Variants in ZNF280D observed in about 807,000 individuals in gnomAD.
ZNF280D encodes zinc finger protein 280D.
In ZNF280D, 39 loss-of-function variants were observed where a neutral mutation model predicts 94.7. The observed-to-expected ratio is 0.41, with a 90% CI of 0.32 to 0.54. The LOEUF is 0.54. ZNF280D is among the 20% of genes least tolerant of loss of function. The probability of loss-of-function intolerance (pLI) is 0.22; values close to 1 mark genes in which losing one functional copy is unlikely to be tolerated. For missense variants in ZNF280D, 1,090 were observed against 1,149.3 expected, an observed-to-expected ratio of 0.95 and a Z score of 0.75; for synonymous variants, 398 against 377.6, an observed-to-expected ratio of 1.05 and a Z score of -0.63.
chr15:56,722,759 C>T (rs975022693), intron 1 of ZNF280D, among the ~76,000 whole-genome samples: 4 of 151,968 alleles, frequency 2.6e-5, no homozygotes, highest in Non-Finnish European at 4.4e-5. Flanking sequence ...AATCATGCTG[C>T]TATAAAGACA....
intron 1 of ZNF280D, among the ~76,000 whole-genome samples, chr15:56,717,348 T>A (rs1169148081): frequency 6.6e-6 from 1 of 152,082 alleles, no homozygotes; most frequent in Non-Finnish European, 1.5e-5. Flanking sequence ...CTAAAAAACC[T>A]GAGACTATAG....
At chr15:56,697,714 T>A (rs1455894923) in intron 6 of ZNF280D, 2 of 152,188 alleles carry the variant, frequency 1.3e-5, no homozygotes, top group Non-Finnish European at 2.9e-5. Context: ...ACATTGGTTA[T>A]ATCTATCAAT....
At chr15:56,691,209 A>G (rs1387564062) in intron 7 of ZNF280D, among the ~76,000 whole-genome samples, 1 of 152,204 alleles carries the variant, frequency 6.6e-6, no homozygotes, top group Non-Finnish European at 1.5e-5. Context: ...CTTTTTAATA[A>G]GGGCAAACAT....
At chr15:56,728,189 A>G (rs2058721276) in intron 1 of ZNF280D, among the ~76,000 whole-genome samples, 1 of 151,970 alleles carries the variant, frequency 6.6e-6, no homozygotes, top group South Asian at 2.1e-4. Flanking sequence ...ACACCCGGCT[A>G]ATTTTTTATT....
At chr15:56,733,055 G>A (rs1437698413) in intron 1 of ZNF280D, 1 of 152,474 alleles carries the variant, frequency 6.6e-6, no homozygotes, top group East Asian at 1.9e-4. Flanking sequence ...GCTGTGGTGT[G>A]AGGACCATGG....
At chr15:56,640,420 G>C (rs1434653594) in intron 20 of ZNF280D, among the ~76,000 whole-genome samples, 3 of 152,034 alleles carry the variant, frequency 2.0e-5, no homozygotes, top group African/African-American at 7.2e-5. Context: ...ATTGTGCCCA[G>C]CCTGTTTCTG....
At position 56,678,850 on chromosome 15, in the gene ZNF280D, C is replaced by T. The variant is rs775747153; in HGVS notation, c.1005-29G>A. The T allele has an allele frequency of 9.6e-6, 14 of 1,464,150 alleles. No individual in the cohort carries two copies. In the Admixed American group the frequency reaches 2.9e-4, roughly 30 times the overall value. The allele number at this position is 1,464,150 out of a possible 1,614,324, so 90.7% of individuals were successfully genotyped here. A position where few individuals can be genotyped will look rare whatever the true frequency, so the allele number is the denominator to read the frequency against. ...TAAATGGTTGTCAACAGGTGCAAAACTTGAGATTTAAAAACAAAAAGGAAA... is the reference window on the plus strand; with the variant it reads ...TAAATGGTTGTCAACAGGTGCAAAATTTGAGATTTAAAAACAAAAAGGAAA... On this transcript the variant is annotated intron_variant, in intron 10 of 21. Transcript: ENST00000267807.
At chr15:56,686,009 A>G (rs2055983515) in intron 9 of ZNF280D, among the ~76,000 whole-genome samples, 1 of 152,254 alleles carries the variant, frequency 6.6e-6, no homozygotes, top group African/African-American at 2.4e-5. Flanking sequence ...CAAAGAATAC[A>G]CCAGGTAAAT....
intron 1 of ZNF280D, among the ~76,000 whole-genome samples, chr15:56,727,374 A>C (rs2058678244): frequency 6.6e-6 from 1 of 152,114 alleles, no homozygotes. Flanking sequence ...CAGGAGAATC[A>C]CTTGAACCCG....
At chr15:56,727,262 C>G (rs536306490) in intron 1 of ZNF280D, among the ~76,000 whole-genome samples, 2 of 151,616 alleles carry the variant, frequency 1.3e-5, no homozygotes, top group African/African-American at 4.9e-5. Flanking sequence ...GAGTTCGAGA[C>G]CAGCCTGGCC....
intron 1 of ZNF280D, 85 bp downstream of exon 1, chr15:56,733,373 G>T: frequency 1.2e-6 from 1 of 816,610 alleles, no homozygotes; most frequent in Non-Finnish European, 1.5e-6. Context: ...CCAGTCCAGC[G>T]CCCCCGGAGT....
chr15:56,692,387 G>A, intron 7 of ZNF280D, among the ~76,000 whole-genome samples: 1 of 152,002 alleles, frequency 6.6e-6, no homozygotes, highest in East Asian at 1.9e-4. Context: ...GTATACGTCT[G>A]TTTAGTCAAA....
At chr15:56,711,795 T>C (rs1596619863) in intron 1 of ZNF280D, among the ~76,000 whole-genome samples, 1 of 152,252 alleles carries the variant, frequency 6.6e-6, no homozygotes. Flanking sequence ...CTGACAAATG[T>C]ATCATTAGAT....
chr15:56,691,419 T>C (rs2056415105), intron 7 of ZNF280D, among the ~76,000 whole-genome samples: 1 of 152,228 alleles, frequency 6.6e-6, no homozygotes, highest in Non-Finnish European at 1.5e-5. Context: ...ATGCTGGAAT[T>C]CTGAATTAAG....
At chr15:56,633,128 T>C (rs987845617) in intron 21 of ZNF280D, among the ~76,000 whole-genome samples, 5 of 152,312 alleles carry the variant, frequency 3.3e-5, no homozygotes, top group Admixed American at 3.3e-4. Context: ...ATAAATTTAA[T>C]GATTACATAT....
At chr15:56,635,309 A>T (rs1316440552) in intron 20 of ZNF280D, 59 bp from the exon 21 acceptor site, 65 of 954,030 alleles carry the variant, frequency 6.8e-5, no homozygotes, top group Non-Finnish European at 9.1e-5. Context: ...AACTATTTTT[A>T]TTATACTAAA....
Position 56,654,626 on chromosome 15 carries a change from T to G in ZNF280D, c.2058-123A>C, listed in dbSNP as rs1315185724. ...CATAACTATAACTTCCCATTTTTGTTATATAAATTTGACATAAACTGACAT... is the reference window on the plus strand; with the variant it reads ...CATAACTATAACTTCCCATTTTTGTGATATAAATTTGACATAAACTGACAT... On this transcript the variant is annotated intron_variant, in intron 17 of 21. Coordinates refer to ENST00000267807, the MANE Select transcript of ZNF280D (RefSeq NM_017661.4). 4 of 842,854 alleles carry G rather than the reference T, an allele frequency of 4.7e-6. No individual in the cohort carries two copies. In the Admixed American group the frequency reaches 1.1e-4, roughly 22 times the overall value. 52.2% of individuals were successfully genotyped at this position (842,854 alleles called of 1,614,324 possible). A position where few individuals can be genotyped will look rare whatever the true frequency, so the allele number is the denominator to read the frequency against.
chr15:56,707,767 T>G (rs747533341), intron 1 of ZNF280D, among the ~76,000 whole-genome samples: 50 of 152,042 alleles, frequency 3.3e-4, no homozygotes, highest in Non-Finnish European at 3.1e-4. Flanking sequence ...ATTGGAAATA[T>G]TTCATCATAG....
At chr15:56,727,767 T>C (rs556902750) in intron 1 of ZNF280D, among the ~76,000 whole-genome samples, 1 of 152,348 alleles carries the variant, frequency 6.6e-6, no homozygotes, top group East Asian at 1.9e-4. Context: ...CTTTAGACTC[T>C]TAATGATGGT....
Sources: gnomAD v4.1 joint callset for allele counts (sites outside exome capture counted in the v4.1 genomes callset) on GRCh38, gnomAD v4.1.1 for gene constraint, MANE v1.5 for transcripts, NCBI Gene and HGNC (gene_info 2026-07-23, HGNC 2026-07-21) for gene names.